The following C10orf53 variants were observed in gnomAD, a reference collection of about 807,000 sequenced individuals.
C10orf53 encodes chromosome 10 open reading frame 53, also known as UPF0728 protein C10orf53.
Under a neutral mutation model 9.4 loss-of-function variants are expected in C10orf53, and 8 were observed. The observed-to-expected ratio is 0.85, with a 90% CI of 0.50 to 1.53. The LOEUF is 1.53. Ranked by LOEUF, C10orf53 falls within the 40% of genes most tolerant of loss-of-function variation. The probability of loss-of-function intolerance (pLI) is 0.00; values close to 1 mark genes in which losing one functional copy is unlikely to be tolerated. For missense variants in C10orf53, 117 were observed against 117.8 expected (o/e 0.99, Z 0.03); for synonymous variants, 48 against 46.0 (o/e 1.04, Z -0.18).
chr10:49,680,189 T>G (rs1391616686), intron 1 of C10orf53, among the ~76,000 whole-genome samples: 1 of 152,348 alleles, frequency 6.6e-6, no homozygotes, highest in East Asian at 1.9e-4. Flanking sequence ...GCACGCAGTG[T>G]GTGTTGGACA....
Position 49,689,856 on chromosome 10 carries a change from A to T in C10orf53, c.98-3918A>T, listed in dbSNP as rs971772178. ...TTTTCTATAATTTTAAAGTTTTTTT[A>T]AAAAAGTATTATGAATCTTCATTAC... On this transcript the variant is annotated intron_variant, in intron 1 of 2. Transcript: ENST00000374111. 7.2e-5 allele frequency among the ~76,000 whole-genome samples: 11 copies of T among 152,340 alleles called. No individual in the cohort carries two copies. The East Asian group carries it at 1.7e-3, about 24-fold the overall frequency.
At chr10:49,698,002 G>A (rs895547234), downstream of C10orf53, among the ~76,000 whole-genome samples, 15 of 152,324 alleles carry the variant, frequency 9.8e-5, no homozygotes, top group Middle Eastern at 3.4e-3. Context: ...CTTAAAATCT[G>A]ATGATTGGCT....
intron 1 of C10orf53, among the ~76,000 whole-genome samples, chr10:49,688,409 G>C (rs1840549798): frequency 6.6e-6 from 1 of 151,870 alleles, no homozygotes; most frequent in Admixed American, 6.6e-5. Flanking sequence ...ATCATCTCCT[G>C]CCTGGATTAC....
rs1840643322 is a variant in C10orf53 at position 49,697,186 on chromosome 10, C to G, written c.*2584C>G. Among the ~76,000 whole-genome samples, 1 of 152,182 alleles carries G rather than the reference C, an allele frequency of 6.6e-6. No homozygotes were observed. The highest frequency in any genetic ancestry group is 1.5e-5 in the Non-Finnish European group (1 of 68,040). On this transcript the variant is annotated 3_prime_UTR_variant, in exon 3 of 3. Transcript: ENST00000374111. Reference sequence around the variant, plus strand: ...CCAGCCTGGGTGACAAAGTGAGACCCTGTCTCAGAAAATAAAATAAAGATT... The same window carrying G: ...CCAGCCTGGGTGACAAAGTGAGACCGTGTCTCAGAAAATAAAATAAAGATT...
downstream of C10orf53, among the ~76,000 whole-genome samples, chr10:49,701,452 AACTATTGT>A (rs1036543330): frequency 5.3e-5 from 8 of 152,134 alleles, no homozygotes; most frequent in African/African-American, 1.7e-4. Flanking sequence ...GAGTTGCTAT[AACTATTGT>A]ACTACAAATT....
intron 1 of C10orf53, among the ~76,000 whole-genome samples, chr10:49,689,222 G>A (rs906137311): frequency 6.6e-6 from 1 of 152,150 alleles, no homozygotes; most frequent in East Asian, 1.9e-4. Flanking sequence ...GGTGTGTTAA[G>A]AGGAGCAGCC....
At chr10:49,709,999 G>A (rs1034333800) in exon 3 of C10orf53, 1 of 52,428 alleles carries the variant, frequency 1.9e-5, no homozygotes, top group African/African-American at 7.3e-5. Context: ...GTGTGTGTGT[G>A]TCTGTGTGTG....
At chr10:49,682,855 A>G (rs1840493383) in intron 1 of C10orf53, among the ~76,000 whole-genome samples, 1 of 152,114 alleles carries the variant, frequency 6.6e-6, no homozygotes, top group African/African-American at 2.4e-5. Context: ...CCTGCAATCT[A>G]CTTTGTAGCT....
chr10:49,709,701 T>C (rs986311404), exon 3 of C10orf53: 3 of 152,466 alleles, frequency 2.0e-5, no homozygotes, highest in African/African-American at 7.2e-5. Flanking sequence ...CACTCACCTG[T>C]TCCCTGGCCC....
At chr10:49,681,982 A>G (rs1186537406) in intron 1 of C10orf53, among the ~76,000 whole-genome samples, 1 of 152,194 alleles carries the variant, frequency 6.6e-6, no homozygotes, top group Non-Finnish European at 1.5e-5. Context: ...GGCTAAGAAG[A>G]CAGCCTAAAT....
chr10:49,684,995 T>C (rs1178220228), intron 1 of C10orf53, among the ~76,000 whole-genome samples: 1 of 152,164 alleles, frequency 6.6e-6, no homozygotes, highest in Non-Finnish European at 1.5e-5. Context: ...AGAACAAACA[T>C]TGATGTTTTT....
downstream of C10orf53, among the ~76,000 whole-genome samples, chr10:49,700,379 C>G (rs377602375): frequency 2.0e-5 from 3 of 152,294 alleles, no homozygotes; most frequent in Admixed American, 6.5e-5. Context: ...GCATTTCCCC[C>G]CAAGGGGAAT....
rs543113772 is a variant in C10orf53 at position 49,707,010 on chromosome 10, T to C, written c.218-1351T>C. On this transcript the variant is annotated intron_variant, in intron 2 of 2. Transcript: ENST00000374112. ...GGAGGAAAACAATCCTTTACTCCTA[T>C]GTTGTTTGATTTTTTTACAATGAGC... Among the ~76,000 whole-genome samples, 8 of 152,348 alleles carry C rather than the reference T, an allele frequency of 5.3e-5. No individual in the cohort carries two copies. In the East Asian group the frequency reaches 5.8e-4, roughly 11 times the overall value.
At chr10:49,679,836 C>G (rs763462062) in intron 1 of C10orf53, 42 bp downstream of exon 1, 7 of 1,500,654 alleles carry the variant, frequency 4.7e-6, no homozygotes, top group Middle Eastern at 2.4e-4. Context: ...GCCCCAGCCT[C>G]TGAGCATCCG....
At chr10:49,694,222 T>G in intron 2 of C10orf53, 1 of 577,628 alleles carries the variant, frequency 1.7e-6, no homozygotes, top group Non-Finnish European at 3.0e-6. Flanking sequence ...ATTATTTGCT[T>G]TCGAAGCTGC....
intron 1 of C10orf53, among the ~76,000 whole-genome samples, chr10:49,690,835 G>C (rs1840577416): frequency 6.6e-6 from 1 of 152,214 alleles, no homozygotes; most frequent in Non-Finnish European, 1.5e-5. Context: ...GTGTGTGTAT[G>C]CCTCTGTGCT....
chr10:49,688,673 G>A (rs945292956), intron 1 of C10orf53, among the ~76,000 whole-genome samples: 10 of 133,840 alleles, frequency 7.5e-5, no homozygotes, highest in East Asian at 4.3e-4. Context: ...TCCCTGGCCC[G>A]CTGCTGCAGC....
chr10:49,703,644 G>A (rs1226470704), intron 2 of C10orf53, among the ~76,000 whole-genome samples: 2 of 152,138 alleles, frequency 1.3e-5, no homozygotes, highest in African/African-American at 2.4e-5. Context: ...GTGATGCCTG[G>A]TCTTGTGATA....
At chr10:49,683,233 A>AAATG (rs1840496778) in intron 1 of C10orf53, among the ~76,000 whole-genome samples, 1 of 152,232 alleles carries the variant, frequency 6.6e-6, no homozygotes, top group African/African-American at 2.4e-5. Flanking sequence ...AGTAGGTGTG[A>AAATG]AATGGTAGCT....
Sources: allele counts gnomAD v4.1 joint callset (sites outside exome capture counted in the v4.1 genomes callset), GRCh38; gene constraint gnomAD v4.1.1; transcripts MANE v1.5; gene names NCBI Gene and HGNC (gene_info 2026-07-23, HGNC 2026-07-21).